Variants in TJP2 observed in about 807,000 individuals in gnomAD.
TJP2 encodes the protein tight junction protein 2, also known as Friedreich ataxia region gene X104 (tight junction protein ZO-2).
TJP2 carries 91 observed loss-of-function variants against 133.1 expected under a neutral mutation model. The observed-to-expected ratio is 0.68, with a 90% CI of 0.58 to 0.81. The LOEUF is 0.81. Among genes scored for constraint, TJP2 ranks in the 40% least tolerant of loss-of-function variants. The pLI is 0.00. For synonymous variants in TJP2, 592 were observed against 583.4 expected, an observed-to-expected ratio of 1.01 and a Z score of -0.21; for missense variants, 1,541 against 1,565.6, an observed-to-expected ratio of 0.98 and a Z score of 0.26.
chr9:69,197,042 C>T (rs998332642), intron 1 of TJP2, among the ~76,000 whole-genome samples: 1 of 151,706 alleles, frequency 6.6e-6, no homozygotes, highest in Non-Finnish European at 1.5e-5. Flanking sequence ...AATCTGGGTT[C>T]ACTGCAACCT....
intron 1 of TJP2, among the ~76,000 whole-genome samples, chr9:69,137,724 T>C (rs1424756608): frequency 6.6e-6 from 1 of 152,114 alleles, no homozygotes; most frequent in East Asian, 1.9e-4. Context: ...CCAGCTTTTC[T>C]TCAAGGTCTT....
At chr9:69,213,743 C>A (rs1025628369) in intron 2 of TJP2, among the ~76,000 whole-genome samples, 1 of 152,174 alleles carries the variant, frequency 6.6e-6, no homozygotes, top group Non-Finnish European at 1.5e-5. Context: ...TCTGCCCTTT[C>A]CCTGAGCATT....
intron 4 of TJP2, chr9:69,218,570 T>A (rs1828566217): frequency 1.7e-6 from 1 of 585,344 alleles, no homozygotes; most frequent in East Asian, 3.1e-5. Context: ...AGTGATTCTC[T>A]GATCTGAGTT....
intron 1 of TJP2, among the ~76,000 whole-genome samples, chr9:69,197,738 A>G (rs1026948479): frequency 3.9e-5 from 6 of 152,336 alleles, no homozygotes; most frequent in South Asian, 2.1e-4. Flanking sequence ...TTTTGCAGAT[A>G]GGCAACCAAG....
chr9:69,142,693 C>T (rs1823064670), intron 1 of TJP2, among the ~76,000 whole-genome samples: 1 of 152,130 alleles, frequency 6.6e-6, no homozygotes, highest in Non-Finnish European at 1.5e-5. Flanking sequence ...CACTGTCTTT[C>T]TCCAGAAGAA....
chr9:69,231,807 G>A (rs1171053671), intron 11 of TJP2, among the ~76,000 whole-genome samples: 1 of 152,110 alleles, frequency 6.6e-6, no homozygotes, highest in Non-Finnish European at 1.5e-5. Flanking sequence ...CTCACCAAAT[G>A]TTACTGATGA....
At chr9:69,172,580 A>G (rs1041803120), upstream of TJP2, among the ~76,000 whole-genome samples, 2 of 152,364 alleles carry the variant, frequency 1.3e-5, no homozygotes, top group African/African-American at 4.8e-5. Context: ...GAAATCAGTC[A>G]GTAGATGTAA....
chr9:69,151,429 G>A (rs921436704), intron 1 of TJP2, among the ~76,000 whole-genome samples: 8 of 146,736 alleles, frequency 5.5e-5, no homozygotes, highest in Admixed American at 2.1e-4. Context: ...GCGGTGAGCC[G>A]ATATCACACC....
intron 5 of TJP2, among the ~76,000 whole-genome samples, chr9:69,223,352 G>T (rs1028101110): frequency 6.6e-6 from 1 of 152,182 alleles, no homozygotes; most frequent in Non-Finnish European, 1.5e-5. Context: ...CTTTCGCCCA[G>T]GGTGGAGTGC....
chr9:69,156,463 G>A (rs957459984), intron 2 of TJP2, among the ~76,000 whole-genome samples: 10 of 151,666 alleles, frequency 6.6e-5, no homozygotes, highest in African/African-American at 2.4e-4. Flanking sequence ...AGGGTGGTCA[G>A]AGTACAGCTT....
At position 69,210,652 on chromosome 9, in the gene TJP2, C is replaced by T. The variant is rs781526505; in HGVS notation, c.61-1896C>T. 4.0e-4 allele frequency among the ~76,000 whole-genome samples: 61 copies of T among 152,032 alleles called. 1 individual carries two copies. Among genetic ancestry groups the T allele is most frequent in the Admixed American group, 2.0e-4 (3 of 15,274 alleles). ...CTTGCACTTTTGGGCTGCTTGCGTCCCTGGCACCCCAGGCCCCATTCACCA... is the reference window on the plus strand; with the variant it reads ...CTTGCACTTTTGGGCTGCTTGCGTCTCTGGCACCCCAGGCCCCATTCACCA... On this transcript the variant is annotated intron_variant, in intron 1 of 22. Coordinates refer to ENST00000377245, the MANE Select transcript of TJP2 (RefSeq NM_004817.4).
intron 5 of TJP2, among the ~76,000 whole-genome samples, chr9:69,222,646 A>G (rs1265064781): frequency 6.6e-6 from 1 of 152,196 alleles, no homozygotes; most frequent in Non-Finnish European, 1.5e-5. Flanking sequence ...TTGTGTCATC[A>G]TTGGAAGAGC....
intron 21 of TJP2, among the ~76,000 whole-genome samples, chr9:69,252,315 G>A (rs1427497405): frequency 6.6e-6 from 1 of 152,002 alleles, no homozygotes; most frequent in Non-Finnish European, 1.5e-5. Context: ...TAAAACGTTC[G>A]GTTCAGCGGC....
chr9:69,203,470 T>TTG (rs1273064795), intron 1 of TJP2, among the ~76,000 whole-genome samples: 6 of 151,928 alleles, frequency 3.9e-5, no homozygotes, highest in African/African-American at 1.4e-4. Flanking sequence ...CCCGGATTTT[T>TTG]TGTGTGTGTT....
intron 1 of TJP2, among the ~76,000 whole-genome samples, chr9:69,198,742 G>A (rs1826778520): frequency 6.6e-6 from 1 of 152,198 alleles, no homozygotes; most frequent in South Asian, 2.1e-4. Context: ...GTGAAGGGAG[G>A]GTAAGGAGCT....
At chr9:69,129,525 AC>A (rs1822396392) in intron 1 of TJP2, among the ~76,000 whole-genome samples, 1 of 151,564 alleles carries the variant, frequency 6.6e-6, no homozygotes, top group Non-Finnish European at 1.5e-5. Context: ...ACAAAAAAAA[AC>A]CCCGTCAATT....
At chr9:69,121,344 C>T (rs1043769992), upstream of TJP2, 4 of 985,508 alleles carry the variant, frequency 4.1e-6, no homozygotes, top group Non-Finnish European at 4.8e-6. Context: ...GCGCCCAGAA[C>T]CCTCCGGTCT....
intron 2 of TJP2, among the ~76,000 whole-genome samples, chr9:69,157,009 C>T (rs530515021): frequency 6.6e-6 from 1 of 152,226 alleles, no homozygotes; most frequent in Admixed American, 6.5e-5. Context: ...TCTTATCAGA[C>T]TTCAGGTCAG....
At chr9:69,147,659 C>T (rs1379442265) in intron 1 of TJP2, among the ~76,000 whole-genome samples, 1 of 152,138 alleles carries the variant, frequency 6.6e-6, no homozygotes, top group African/African-American at 2.4e-5. Context: ...GAGATAACCT[C>T]TACTAGCAAT....
Sources: allele counts gnomAD v4.1 joint callset (sites outside exome capture counted in the v4.1 genomes callset), GRCh38; gene constraint gnomAD v4.1.1; transcripts MANE v1.5; gene names NCBI Gene and HGNC (gene_info 2026-07-23, HGNC 2026-07-21).